Variants in RTTN observed in about 807,000 individuals in gnomAD.
RTTN encodes rotatin.
Under a neutral mutation model 269.2 loss-of-function variants are expected in RTTN, and 182 were observed. That is an observed-to-expected ratio of 0.68 (90% confidence interval 0.60 to 0.76). The LOEUF (loss-of-function observed/expected upper bound fraction) is 0.76, where lower values mean the gene tolerates loss of function less well. Ranked by LOEUF, RTTN falls within the 30% of genes least tolerant of loss-of-function variation. RTTN has a pLI of 0.00. For missense variants in RTTN, 2,545 were observed against 2,608.6 expected (o/e 0.98, Z 0.53); for synonymous variants, 1,006 against 963.5 (o/e 1.04, Z -0.82).
rs1224054662 is a variant in RTTN at position 70,196,605 on chromosome 18, T to A, written c.737A>T (p.His246Leu). 6.8e-7 allele frequency: 1 copy of A among 1,470,572 alleles called. No homozygotes were observed. Among genetic ancestry groups the A allele is most frequent in the African/African-American group, 2.3e-5 (1 of 43,992 alleles). 91.1% of individuals were successfully genotyped at this position (1,470,572 alleles called of 1,614,324 possible). ...GGACACCGACTGTAATGCCAGGCGA[T>A]GCTTTCCATCTCCAAAGGCCAGTTT... ...LLKLAFGDGK[H>L]RLALQSVSCL... Residue 246 changes from histidine to leucine, a missense_variant, in exon 7 of 49, where the codon CAT (histidine) becomes CTT (leucine). Coordinates refer to ENST00000640769, the MANE Select transcript of RTTN (RefSeq NM_173630.4).
chr18:70,047,087 A>C (rs2043501), intron 40 of RTTN, among the ~76,000 whole-genome samples: 2 of 152,104 alleles, frequency 1.3e-5, no homozygotes, highest in Non-Finnish European at 2.9e-5. Flanking sequence ...GGACTATAAC[A>C]AATCAGCACA....
chr18:70,204,811 T>C (rs1000182462), intron 2 of RTTN, among the ~76,000 whole-genome samples: 2 of 152,194 alleles, frequency 1.3e-5, no homozygotes, highest in Non-Finnish European at 2.9e-5. Context: ...TACTGACATA[T>C]CTAGTTTTTA....
At chr18:70,128,054 T>C (rs2059910826) in intron 24 of RTTN, 1 of 417,750 alleles carries the variant, frequency 2.4e-6, no homozygotes, top group Middle Eastern at 6.4e-4. Flanking sequence ...ATATACTTAC[T>C]GAGATTTTGT....
chr18:70,146,783 C>G (rs2060404800), intron 17 of RTTN, among the ~76,000 whole-genome samples: 1 of 152,180 alleles, frequency 6.6e-6, no homozygotes, highest in Non-Finnish European at 1.5e-5. Flanking sequence ...TCCCACAGCT[C>G]ATAGATACAT....
intron 26 of RTTN, among the ~76,000 whole-genome samples, chr18:70,119,713 G>A (rs2059688359): frequency 6.6e-6 from 1 of 152,178 alleles, no homozygotes; most frequent in African/African-American, 2.4e-5. Flanking sequence ...TAGAAATTCA[G>A]TCTATAAATA....
rs1250081554 is a variant in RTTN, at chr18:70,075,466, A to T, written c.4450T>A (p.Cys1484Ser). The T allele has an allele frequency of 1.9e-6, 3 of 1,609,436 alleles. No homozygotes were observed. The highest frequency in any genetic ancestry group is 4.5e-5 in the East Asian group (2 of 44,712). ...KPALQALLYH[C>S]HFYEHLNQMV... ...TGATTCAAATGTTCATAAAAATGGC[A>T]GTGATATAAAAGAGCCTGAAGGGCA... is the stretch of plus-strand genomic sequence containing the variant. The change falls in exon 33 of 49, where the codon TGC becomes AGC. Residue 1484 changes from cysteine to serine, a missense_variant. Cys to Ser is a moderately radical substitution (Grantham distance 112). Coordinates refer to ENST00000640769, the MANE Select transcript of RTTN (RefSeq NM_173630.4).
At chr18:70,190,826 C>A (rs1419829005) in intron 8 of RTTN, 107 bp from the exon 9 acceptor site, 18 of 670,980 alleles carry the variant, frequency 2.7e-5, no homozygotes, top group Non-Finnish European at 4.0e-5. Flanking sequence ...AGTCACAACT[C>A]TACTGCTTCA....
At chr18:70,200,014 C>T (rs1008609261) in intron 4 of RTTN, among the ~76,000 whole-genome samples, 64 of 152,138 alleles carry the variant, frequency 4.2e-4, no homozygotes, top group African/African-American at 1.4e-3. Context: ...TATCAGTGTT[C>T]GAACAAGATT....
chr18:70,120,982 C>A (rs1853583393), intron 26 of RTTN, among the ~76,000 whole-genome samples: 1 of 151,828 alleles, frequency 6.6e-6, no homozygotes, highest in African/African-American at 2.4e-5. Context: ...ACCCAGGAGG[C>A]AGAGGTTGCA....
chr18:70,162,543 C>T (rs1321701373), intron 14 of RTTN, among the ~76,000 whole-genome samples: 1 of 152,068 alleles, frequency 6.6e-6, no homozygotes, highest in African/African-American at 2.4e-5. Context: ...AGACAGAATG[C>T]CAGCAGAGAC....
chr18:70,162,870 C>A (rs1282261896), intron 14 of RTTN, among the ~76,000 whole-genome samples: 6 of 126,330 alleles, frequency 4.7e-5, no homozygotes, highest in African/African-American at 1.8e-4. Context: ...GTACCCCCAA[C>A]CCTAAAATAA....
intron 26 of RTTN, among the ~76,000 whole-genome samples, chr18:70,117,868 C>CA (rs530343284): frequency 2.0e-5 from 3 of 151,838 alleles, no homozygotes; most frequent in Non-Finnish European, 4.4e-5. Context: ...AATTAAGCAA[C>CA]ATGCTCCTGA....
chr18:70,199,570 GAGTA>G, intron 4 of RTTN, 66 bp from the exon 5 acceptor site: 5 of 1,170,372 alleles, frequency 4.3e-6, no homozygotes, highest in Non-Finnish European at 5.1e-6. Flanking sequence ...ACAATGTTAA[GAGTA>G]AGTTTTCCCT....
chr18:70,051,630 G>T, intron 38 of RTTN, 82 bp from the exon 39 acceptor site: 1 of 999,248 alleles, frequency 1.0e-6, no homozygotes, highest in Non-Finnish European at 1.4e-6. Context: ...TACCACAGAC[G>T]CTTCATTACA....
At position 70,030,129 on chromosome 18, in the gene RTTN, G is replaced by C; in HGVS notation, c.5648-20C>G. ...GATTGGCTGAAAGACAAAATCTGCAGTAGTCAAAAGGATATTCTATTTCCA... is the reference window on the plus strand; with the variant it reads ...GATTGGCTGAAAGACAAAATCTGCACTAGTCAAAAGGATATTCTATTTCCA... On this transcript the variant is annotated intron_variant, in intron 41 of 48. Transcript: ENST00000640769. 1 of 1,492,744 alleles carries C rather than the reference G, an allele frequency of 6.7e-7. No individual in the cohort carries two copies. Among genetic ancestry groups the C allele is most frequent in the South Asian group, 1.1e-5 (1 of 87,992 alleles). 92.5% of individuals were successfully genotyped at this position (1,492,744 alleles called of 1,614,324 possible). A position where few individuals can be genotyped will look rare whatever the true frequency, so the allele number is the denominator to read the frequency against.
chr18:70,059,052 G>A (rs2057902355), intron 36 of RTTN, among the ~76,000 whole-genome samples: 1 of 152,158 alleles, frequency 6.6e-6, no homozygotes, highest in Non-Finnish European at 1.5e-5. Flanking sequence ...AAATAAACAT[G>A]TGGTCAAAAG....
At chr18:70,155,434 A>G (rs1406871027) in intron 14 of RTTN, among the ~76,000 whole-genome samples, 1 of 152,236 alleles carries the variant, frequency 6.6e-6, no homozygotes, top group Non-Finnish European at 1.5e-5. Context: ...ATTATAAAAT[A>G]AATATGTTTA....
chr18:70,137,796 T>C (rs966678853), intron 21 of RTTN, among the ~76,000 whole-genome samples: 3 of 152,148 alleles, frequency 2.0e-5, no homozygotes, highest in African/African-American at 7.2e-5. Context: ...GAATCCCCAA[T>C]TACAAGTATT....
intron 19 of RTTN, among the ~76,000 whole-genome samples, chr18:70,140,823 T>C (rs2060238405): frequency 6.6e-6 from 1 of 152,180 alleles, no homozygotes; most frequent in South Asian, 2.1e-4. Flanking sequence ...CACACAAATG[T>C]TACCGGAACC....
Sources: allele counts gnomAD v4.1 joint callset (sites outside exome capture counted in the v4.1 genomes callset), GRCh38; gene constraint gnomAD v4.1.1; transcripts MANE v1.5; gene names NCBI Gene and HGNC (gene_info 2026-07-23, HGNC 2026-07-21).